The following FRMD4A variants were observed in gnomAD, a reference collection of about 807,000 sequenced individuals.
The protein encoded by FRMD4A is FERM domain-containing protein 4A.
A neutral mutation model predicts 129.1 loss-of-function variants in FRMD4A; 29 were observed. That is an observed-to-expected ratio of 0.22 (90% CI 0.17 to 0.31). The LOEUF is 0.31. Among genes scored for constraint, FRMD4A ranks in the 10% least tolerant of loss-of-function variants. The pLI is 1.00. For missense variants in FRMD4A, 1,272 were observed against 1,375.8 expected, an observed-to-expected ratio of 0.92 and a Z score of 1.19; for synonymous variants, 634 against 571.6, an observed-to-expected ratio of 1.11 and a Z score of -1.56.
intron 2 of FRMD4A, among the ~76,000 whole-genome samples, chr10:14,268,571 A>G (rs1343096179): frequency 6.6e-6 from 1 of 152,260 alleles, no homozygotes; most frequent in Non-Finnish European, 1.5e-5. Flanking sequence ...GCAGTTCTTC[A>G]CATGCTACCT....
intron 21 of FRMD4A, among the ~76,000 whole-genome samples, chr10:13,657,966 C>T (rs1370089045): frequency 1.3e-5 from 2 of 151,376 alleles, no homozygotes; most frequent in Non-Finnish European, 2.9e-5. Context: ...CACTGTAAGA[C>T]CTCATCTCTT....
At chr10:13,840,788 C>CA (rs36070515) in intron 3 of FRMD4A, among the ~76,000 whole-genome samples, 95 of 57,222 alleles carry the variant, frequency 1.7e-3, no homozygotes, top group African/African-American at 3.2e-3. Context: ...GACTCTGTCT[C>CA]AAAAAAAAAA....
chr10:14,180,772 T>A (rs768239046), intron 2 of FRMD4A, among the ~76,000 whole-genome samples: 2 of 152,252 alleles, frequency 1.3e-5, no homozygotes, highest in Admixed American at 6.5e-5. Context: ...TCCAATGCTG[T>A]CACATTTCTG....
intron 2 of FRMD4A, among the ~76,000 whole-genome samples, chr10:14,255,681 T>C (rs893187993): frequency 2.0e-5 from 3 of 152,080 alleles, no homozygotes; most frequent in African/African-American, 7.2e-5. Flanking sequence ...AACAAGTCAT[T>C]GAAAAGACTA....
At chr10:14,091,096 A>G (rs892626399) in intron 2 of FRMD4A, among the ~76,000 whole-genome samples, 1 of 152,222 alleles carries the variant, frequency 6.6e-6, no homozygotes, top group Non-Finnish European at 1.5e-5. Context: ...CATGAACAGG[A>G]TTTCAAGAAA....
At chr10:14,048,328 G>A (rs957525025) in intron 2 of FRMD4A, among the ~76,000 whole-genome samples, 1 of 152,160 alleles carries the variant, frequency 6.6e-6, no homozygotes, top group African/African-American at 2.4e-5. Context: ...CTTTGTAACT[G>A]CCTATTTGCT....
chr10:13,848,000 G>C (rs1277580421), intron 3 of FRMD4A, among the ~76,000 whole-genome samples: 4 of 152,212 alleles, frequency 2.6e-5, no homozygotes, highest in African/African-American at 9.6e-5. Context: ...GCTCTACATA[G>C]AGGTGTGTGC....
chr10:14,050,168 A>G (rs559910056), intron 2 of FRMD4A, among the ~76,000 whole-genome samples: 116 of 152,318 alleles, frequency 7.6e-4, no homozygotes, highest in African/African-American at 2.7e-3. Flanking sequence ...GAATTAATAC[A>G]CATAAAGCAC....
chr10:13,972,673 C>T (rs1333193501), intron 2 of FRMD4A, among the ~76,000 whole-genome samples: 5 of 152,006 alleles, frequency 3.3e-5, no homozygotes. Flanking sequence ...ATTGGAATTT[C>T]ATAAGTTGTT....
chr10:14,229,721 G>A (rs1011916231), intron 2 of FRMD4A, among the ~76,000 whole-genome samples: 6 of 152,086 alleles, frequency 3.9e-5, no homozygotes, highest in African/African-American at 1.2e-4. Flanking sequence ...TTACAGGTGC[G>A]AGCTACTGAA....
chr10:13,728,968 G>C (rs1411549965), intron 12 of FRMD4A, among the ~76,000 whole-genome samples: 2 of 152,186 alleles, frequency 1.3e-5, no homozygotes, highest in Non-Finnish European at 2.9e-5. Flanking sequence ...GTCTAGGATT[G>C]ATGCTTTGAG....
intron 3 of FRMD4A, among the ~76,000 whole-genome samples, chr10:13,837,570 A>C (rs530819280): frequency 1.3e-5 from 2 of 152,228 alleles, no homozygotes; most frequent in Admixed American, 6.5e-5. Flanking sequence ...TTTTTCTAAC[A>C]GTTGGCCAGA....
chr10:13,826,544 A>G (rs2093703703), intron 3 of FRMD4A, among the ~76,000 whole-genome samples: 1 of 152,140 alleles, frequency 6.6e-6, no homozygotes, highest in Non-Finnish European at 1.5e-5. Flanking sequence ...CCCCAGTGAT[A>G]CGCCCAGAGA....
intron 2 of FRMD4A, among the ~76,000 whole-genome samples, chr10:14,096,064 T>C (rs1836941557): frequency 6.6e-6 from 1 of 152,258 alleles, no homozygotes; most frequent in African/African-American, 2.4e-5. Context: ...TCTGCTGTGA[T>C]CAGGTTGTTC....
intron 2 of FRMD4A, among the ~76,000 whole-genome samples, chr10:14,260,338 C>T (rs553424519): frequency 1.3e-5 from 2 of 152,298 alleles, no homozygotes; most frequent in South Asian, 4.1e-4. Context: ...ACAAGCAAAA[C>T]TATCCAGCAG....
chr10:14,309,750 A>G (rs1474675477), intron 2 of FRMD4A, among the ~76,000 whole-genome samples: 1 of 152,000 alleles, frequency 6.6e-6, no homozygotes, highest in Non-Finnish European at 1.5e-5. Flanking sequence ...ACTTGCAGTC[A>G]TTTCCTAACT....
chr10:13,724,585 G>C (rs1261108911), intron 12 of FRMD4A, among the ~76,000 whole-genome samples: 1 of 152,164 alleles, frequency 6.6e-6, no homozygotes, highest in Non-Finnish European at 1.5e-5. Context: ...ATTTGGTTTT[G>C]ATTTGCTTCT....
At chr10:14,127,982 CTCTCTCTCTCTCTCTCTCTTTCTTTCTTT>C (rs1838979677) in intron 2 of FRMD4A, among the ~76,000 whole-genome samples, 1 of 81,206 alleles carries the variant, frequency 1.2e-5, no homozygotes, top group Admixed American at 1.3e-4. Flanking sequence ...TTCTTTCCTT[CTCTCTCTCTCTCTCTCTCTTTCTTTCTTT>C]CTTCCTTCCT....
chr10:14,185,793 T>C (rs1276610124), intron 2 of FRMD4A, among the ~76,000 whole-genome samples: 1 of 152,114 alleles, frequency 6.6e-6, no homozygotes, highest in African/African-American at 2.4e-5. Context: ...CAATCCAGAC[T>C]AGTCCTGGGC....
Sources: gnomAD v4.1 joint callset for allele counts (sites outside exome capture counted in the v4.1 genomes callset) on GRCh38, gnomAD v4.1.1 for gene constraint, MANE v1.5 for transcripts, NCBI Gene and HGNC (gene_info 2026-07-23, HGNC 2026-07-21) for gene names.